Variants in SERPINI1 observed in about 807,000 individuals in gnomAD.
The protein encoded by SERPINI1 is neuroserpin.
SERPINI1 carries 19 observed loss-of-function variants against 41.1 expected under a neutral mutation model. The ratio of observed to expected loss-of-function variants is 0.46; its 90% CI spans 0.32 to 0.68. The LOEUF is 0.68. Ranked by LOEUF, SERPINI1 falls within the 30% of genes least tolerant of loss-of-function variation. The pLI is 0.03. For synonymous variants in SERPINI1, 138 were observed against 156.6 expected, an observed-to-expected ratio of 0.88 and a Z score of 0.89; for missense variants, 460 against 479.2, an observed-to-expected ratio of 0.96 and a Z score of 0.37.
chr3:167,772,864 C>CTCTATATATATATATATATA (rs1374013676), intron 1 of SERPINI1, among the ~76,000 whole-genome samples: 3 of 24,666 alleles, frequency 1.2e-4, no homozygotes, highest in African/African-American at 1.9e-4. Context: ...CTCTCTCTCT[C>CTCTATATATATATATATATA]TATATATATA....
At chr3:167,815,085 G>C (rs1176154978) in intron 6 of SERPINI1, among the ~76,000 whole-genome samples, 3 of 152,132 alleles carry the variant, frequency 2.0e-5, no homozygotes, top group Non-Finnish European at 4.4e-5. Flanking sequence ...TGCATACCTG[G>C]TACCCGGCAG....
intron 1 of SERPINI1, among the ~76,000 whole-genome samples, chr3:167,741,797 A>G (rs1295310314): frequency 6.6e-6 from 1 of 152,200 alleles, no homozygotes. Context: ...CCCTTATTCA[A>G]TGTCTGTGGC....
At chr3:167,755,504 A>C (rs1304043772) in intron 1 of SERPINI1, among the ~76,000 whole-genome samples, 1 of 152,210 alleles carries the variant, frequency 6.6e-6, no homozygotes, top group Non-Finnish European at 1.5e-5. Context: ...TTGTAAAAAT[A>C]TTTGTTATTT....
rs554753830 is a variant in SERPINI1, at chr3:167,757,262, TATA to T, written c.-19+21442_-19+21444del. 5.9e-5 allele frequency among the ~76,000 whole-genome samples: 9 copies of T among 152,314 alleles called. No homozygotes were observed. The South Asian group carries it at 1.7e-3, about 28-fold the overall frequency. Reference sequence around the variant, plus strand: ...AACTGCAAGGTCACTGAAGGCAGTGTATAATGGTTGCTTATATCCGTGGTGTTT... The same window carrying T: ...AACTGCAAGGTCACTGAAGGCAGTGTATGGTTGCTTATATCCGTGGTGTTT... On this transcript the variant is annotated intron_variant, in intron 1 of 8. Transcript: ENST00000446050.
chr3:167,747,337 A>G (rs768610658), intron 1 of SERPINI1, among the ~76,000 whole-genome samples: 3 of 152,154 alleles, frequency 2.0e-5, no homozygotes, highest in Non-Finnish European at 2.9e-5. Flanking sequence ...GCACAGCTTG[A>G]TGAACTTCTT....
At chr3:167,821,049 C>A (rs1712307806) in intron 6 of SERPINI1, among the ~76,000 whole-genome samples, 1 of 152,090 alleles carries the variant, frequency 6.6e-6, no homozygotes, top group Non-Finnish European at 1.5e-5. Context: ...TTGGGACAAC[C>A]CGCCTGCAGA....
chr3:167,742,950 A>G (rs1346614934), intron 1 of SERPINI1, among the ~76,000 whole-genome samples: 1 of 151,962 alleles, frequency 6.6e-6, no homozygotes, highest in Non-Finnish European at 1.5e-5. Context: ...TTCCTCAGAA[A>G]CTGATGGTAT....
At chr3:167,789,059 A>G in intron 1 of SERPINI1, 52 bp from the exon 2 acceptor site, 2 of 1,560,566 alleles carry the variant, frequency 1.3e-6, no homozygotes, top group Non-Finnish European at 1.8e-6. Context: ...CTTCCATGAG[A>G]CTTTTGTTAT....
rs571441649 is a variant in SERPINI1, at chr3:167,742,636, C to T, written c.-19+6813C>T. ...TAACTGGCTCATGTCATATGGCTGC[C>T]CTAGCTTTAATGGAAGTGGAGATAT... On this transcript the variant is annotated intron_variant, in intron 1 of 8. Coordinates refer to ENST00000446050, the MANE Select transcript of SERPINI1 (RefSeq NM_001122752.2). Among the ~76,000 whole-genome samples, 5 of 152,206 alleles carry T rather than the reference C, an allele frequency of 3.3e-5. No homozygotes were observed. In the South Asian group the frequency reaches 1.0e-3, roughly 32 times the overall value.
chr3:167,815,974 T>C (rs774001079), intron 6 of SERPINI1, among the ~76,000 whole-genome samples: 1 of 152,236 alleles, frequency 6.6e-6, no homozygotes, highest in Non-Finnish European at 1.5e-5. Flanking sequence ...TCTCTGCTGC[T>C]GTTGTCAATT....
At chr3:167,765,256 T>C (rs1182525588) in intron 1 of SERPINI1, among the ~76,000 whole-genome samples, 1 of 152,374 alleles carries the variant, frequency 6.6e-6, no homozygotes, top group South Asian at 2.1e-4. Flanking sequence ...AGCAAACTTC[T>C]GCCTGGGCAA....
chr3:167,742,885 C>T (rs1725726699), intron 1 of SERPINI1, among the ~76,000 whole-genome samples: 1 of 150,686 alleles, frequency 6.6e-6, no homozygotes, highest in Non-Finnish European at 1.5e-5. Context: ...CTAACCTTCC[C>T]ATACCAAGTG....
At chr3:167,751,201 C>A (rs538322067) in intron 1 of SERPINI1, among the ~76,000 whole-genome samples, 1 of 152,186 alleles carries the variant, frequency 6.6e-6, no homozygotes, top group Non-Finnish European at 1.5e-5. Flanking sequence ...TAAGGAATAT[C>A]CTCTTCAGTT....
At chr3:167,742,627 T>C (rs528226004) in intron 1 of SERPINI1, among the ~76,000 whole-genome samples, 1 of 152,286 alleles carries the variant, frequency 6.6e-6, no homozygotes, top group Non-Finnish European at 1.5e-5. Flanking sequence ...GCTCATGTCA[T>C]ATGGCTGCCC....
Position 167,764,792 on chromosome 3 carries a change from G to A in SERPINI1, c.-18-24319G>A, listed in dbSNP as rs1412839188. 3.9e-5 allele frequency among the ~76,000 whole-genome samples: 6 copies of A among 152,148 alleles called. No homozygotes were observed. The South Asian group carries it at 1.0e-3, about 26-fold the overall frequency. ...GGTTAGTTGCTTCATAGATACAATG[G>A]GGGTACAGGCATTGCATAAATACAG... On this transcript the variant is annotated intron_variant, in intron 1 of 8. Transcript: ENST00000446050.
At chr3:167,744,681 TATATATAAAC>T (rs1183209859) in intron 1 of SERPINI1, among the ~76,000 whole-genome samples, 22 of 90,854 alleles carry the variant, frequency 2.4e-4, no homozygotes, top group Non-Finnish European at 3.9e-4. Context: ...TATATAAATA[TATATATAAAC>T]ATATATAAAT....
At chr3:167,753,623 A>G (rs894514906) in intron 1 of SERPINI1, among the ~76,000 whole-genome samples, 2 of 152,058 alleles carry the variant, frequency 1.3e-5, no homozygotes, top group African/African-American at 4.8e-5. Flanking sequence ...CCTTTTTTCA[A>G]ACTACCTAAA....
intron 4 of SERPINI1, among the ~76,000 whole-genome samples, 180 bp downstream of exon 4, chr3:167,792,964 G>T (rs182990298): frequency 4.6e-4 from 70 of 152,182 alleles, no homozygotes; most frequent in African/African-American, 1.5e-3. Flanking sequence ...ATTCATTGAT[G>T]GTTTCCAGAG....
intron 4 of SERPINI1, 98 bp from the exon 5 acceptor site, chr3:167,794,522 C>A: frequency 1.1e-6 from 1 of 925,954 alleles, no homozygotes. Context: ...AGTACCTGAG[C>A]AGTGTACACT....
Sources: gnomAD v4.1 joint callset for allele counts (sites outside exome capture counted in the v4.1 genomes callset) on GRCh38, gnomAD v4.1.1 for gene constraint, MANE v1.5 for transcripts, NCBI Gene and HGNC (gene_info 2026-07-23, HGNC 2026-07-21) for gene names.